The following CD36 variants were observed in gnomAD, a reference collection of about 807,000 sequenced individuals.
The protein encoded by CD36 is platelet glycoprotein 4.
Under a neutral mutation model 55.2 loss-of-function variants are expected in CD36, and 119 were observed. The ratio of observed to expected loss-of-function variants is 2.15; its 90% CI spans 1.86 to 2.51. The LOEUF (loss-of-function observed/expected upper bound fraction) is 2.51, where lower values mean the gene tolerates loss of function less well. Ranked by LOEUF, CD36 falls within the 30% of genes most tolerant of loss-of-function variation. The pLI, the probability that CD36 is intolerant of heterozygous loss-of-function variation, is 0.00. For missense variants in CD36, 819 were observed against 555.5 expected, an observed-to-expected ratio of 1.47 and a Z score of -4.77; for synonymous variants, 186 against 193.6, an observed-to-expected ratio of 0.96 and a Z score of 0.33.
At chr7:80,628,933 T>C (rs1026776191) in intron 1 of CD36, among the ~76,000 whole-genome samples, 5 of 152,036 alleles carry the variant, frequency 3.3e-5, no homozygotes, top group African/African-American at 1.2e-4. Flanking sequence ...TCTGACTAGC[T>C]TCTCCAAAGA....
rs377422261 is a variant in CD36, at chr7:80,643,833, G to A, written c.-183-2255G>A. ...CAAGACAGTGACAAATCAGTCTTTGGTTTAATCTTGTCCCTTCATCTCAAT... is the reference window on the plus strand; with the variant it reads ...CAAGACAGTGACAAATCAGTCTTTGATTTAATCTTGTCCCTTCATCTCAAT... On this transcript the variant is annotated intron_variant, in intron 1 of 14. Transcript: ENST00000447544. 7.7e-4 allele frequency among the ~76,000 whole-genome samples: 117 copies of A among 152,244 alleles called. 3 individuals carry two copies. In the South Asian group the frequency reaches 0.023, roughly 29 times the overall value.
intron 3 of CD36, among the ~76,000 whole-genome samples, chr7:80,650,925 T>G (rs946019686): frequency 1.8e-5 from 1 of 55,818 alleles, no homozygotes; most frequent in African/African-American, 4.2e-5. Flanking sequence ...TATGCAGTCT[T>G]TCAAAAAAAA....
chr7:80,651,584 C>A (rs1293533017), intron 3 of CD36, among the ~76,000 whole-genome samples: 1 of 151,934 alleles, frequency 6.6e-6, no homozygotes, highest in Non-Finnish European at 1.5e-5. Context: ...TGCCTTCAGA[C>A]AAAATAAATT....
At chr7:80,656,044 T>G (rs1356006823) in intron 3 of CD36, among the ~76,000 whole-genome samples, 1 of 152,026 alleles carries the variant, frequency 6.6e-6, no homozygotes, top group African/African-American at 2.4e-5. Context: ...ATGTAGTGAG[T>G]GTTAAGTACC....
intron 1 of CD36, among the ~76,000 whole-genome samples, chr7:80,630,365 T>G (rs1794006697): frequency 6.6e-6 from 1 of 151,984 alleles, no homozygotes; most frequent in Non-Finnish European, 1.5e-5. Context: ...ATGAAGTTGA[T>G]TTGGAGACAG....
rs1483351759 is a variant in CD36, at chr7:80,678,331, A to G, written c.*1948A>G. 1 of 152,190 alleles carries G rather than the reference A, an allele frequency of 6.6e-6. No homozygotes were observed. Among genetic ancestry groups the G allele is most frequent in the African/African-American group, 2.4e-5 (1 of 41,448 alleles). 9.4% of individuals were successfully genotyped at this position (152,190 alleles called of 1,614,324 possible). On this transcript the variant is annotated 3_prime_UTR_variant, in exon 15 of 15. Transcript: ENST00000447544. ...AGCTGGTTATTAACCACAGAATTAT[A>G]GCAGGTATTCATAACTTAAGTTTGA...
At chr7:80,636,251 C>A (rs1297390216), upstream of CD36, among the ~76,000 whole-genome samples, 1 of 151,980 alleles carries the variant, frequency 6.6e-6, no homozygotes, top group Non-Finnish European at 1.5e-5. Flanking sequence ...AGGCTCCTGT[C>A]AAGTATTGTA....
chr7:80,674,067 A>ATCTT lies in CD36; in HGVS notation c.1340_1343dup (p.Leu448PhefsTer107), dbSNP rs201958707. On this transcript the variant is annotated frameshift_variant, in exon 14 of 15. Coordinates refer to ENST00000447544, the MANE Select transcript of CD36 (RefSeq NM_001001548.3). LOFTEE classifies it high-confidence loss of function. ...AAACCTCCTTGGCCTGATAGAAATGATCTTACTCAGTGTTGGTGTGGTGAT... is the reference window on the plus strand; with the variant it reads ...AAACCTCCTTGGCCTGATAGAAATGATCTTTCTTACTCAGTGTTGGTGTGGTGAT... 13 of 1,612,014 alleles carry ATCTT rather than the reference A, an allele frequency of 8.1e-6. No homozygotes were observed. The East Asian group carries it at 2.0e-4, about 25-fold the overall frequency.
chr7:80,671,898 T>C (rs148767843), intron 10 of CD36, 24 bp from the exon 11 acceptor site: 405 of 1,605,528 alleles, frequency 2.5e-4, no homozygotes, highest in Non-Finnish European at 3.3e-4. Flanking sequence ...TTAATTCCAA[T>C]TGACTCTTAA....
At chr7:80,650,412 T>C (rs3211831) in intron 3 of CD36, among the ~76,000 whole-genome samples, 1,869 of 152,274 alleles carry the variant, frequency 0.012, 44 homozygotes, top group African/African-American at 0.042. Flanking sequence ...CGTATGTATA[T>C]CTTTGGCATA....
intron 1 of CD36, among the ~76,000 whole-genome samples, chr7:80,613,969 T>C (rs918887030): frequency 5.9e-5 from 9 of 152,184 alleles, no homozygotes; most frequent in Admixed American, 2.6e-4. Context: ...GAAAAGTTGT[T>C]ACAGATAAAC....
intron 1 of CD36, among the ~76,000 whole-genome samples, chr7:80,609,987 G>C (rs1207509057): frequency 9.2e-5 from 14 of 152,130 alleles, no homozygotes; most frequent in Admixed American, 9.2e-4. Flanking sequence ...TGCGCTGTGA[G>C]GGGTGAGCCA....
intron 4 of CD36, among the ~76,000 whole-genome samples, chr7:80,658,067 T>C (rs1796229771): frequency 6.6e-6 from 1 of 152,222 alleles, no homozygotes; most frequent in Non-Finnish European, 1.5e-5. Context: ...CCTTGGTGCA[T>C]GTCCTGTCTT....
chr7:80,657,869 A>AT, intron 4 of CD36, among the ~76,000 whole-genome samples: 1 of 152,312 alleles, frequency 6.6e-6, no homozygotes, highest in South Asian at 2.1e-4. Context: ...ATTTCTAATG[A>AT]TTTTTTATAA....
rs576497065 is a variant in CD36 at position 80,662,484 on chromosome 7, G to A, written c.430-506G>A. On this transcript the variant is annotated intron_variant, in intron 5 of 14. Coordinates refer to ENST00000447544, the MANE Select transcript of CD36 (RefSeq NM_001001548.3). ...GGTCACTGGCAGAGAGCCTCGTGCC[G>A]TTAGACGTGGAACCTGCCGTTGTGA... The A allele has an allele frequency of 7.6e-5, 20 of 264,372 alleles. No individual in the cohort carries two copies. The South Asian group carries it at 9.5e-4, about 13-fold the overall frequency. The allele number at this position is 264,372 out of a possible 1,614,324, so 16.4% of individuals were successfully genotyped here. A position where few individuals can be genotyped will look rare whatever the true frequency, so the allele number is the denominator to read the frequency against.
Position 80,661,103 on chromosome 7 carries a change from G to A in CD36, c.322G>A (p.Glu108Lys), listed in dbSNP as rs2116655129. Residue 108 changes from glutamate (E) to lysine (K), a missense_variant, in exon 5 of 15, where the codon GAG (glutamate) becomes AAG (lysine). Glu to Lys is a moderately conservative substitution (Grantham distance 56, BLOSUM62 1). Coordinates refer to ENST00000447544, the MANE Select transcript of CD36 (RefSeq NM_001001548.3). The stretch of plus-strand genomic sequence containing the variant: ...CAAGGAAAATGTAACCCAGGACGCT[G>A]AGGACAACACAGTCTCTTTCCTGCA... ...LAKENVTQDAEDNTVSFLQPN... is the reference protein window; with the variant it reads ...LAKENVTQDAKDNTVSFLQPN... 6.2e-7 allele frequency: 1 copy of A among 1,613,958 alleles called. No individual in the cohort carries two copies. Among genetic ancestry groups the A allele is most frequent in the Non-Finnish European group, 8.5e-7 (1 of 1,179,838 alleles).
intron 1 of CD36, among the ~76,000 whole-genome samples, chr7:80,613,227 A>G (rs1266411781): frequency 2.0e-5 from 3 of 152,134 alleles, no homozygotes; most frequent in Non-Finnish European, 4.4e-5. Flanking sequence ...TGCTTTTTAA[A>G]CATGAGCTGC....
At chr7:80,617,931 A>G (rs1308991313) in intron 1 of CD36, among the ~76,000 whole-genome samples, 1 of 152,152 alleles carries the variant, frequency 6.6e-6, no homozygotes, top group African/African-American at 2.4e-5. Flanking sequence ...ATTCATTGGA[A>G]AAATTACTTA....
At chr7:80,643,390 T>C (rs867992894) in intron 1 of CD36, among the ~76,000 whole-genome samples, 31 of 152,348 alleles carry the variant, frequency 2.0e-4, no homozygotes, top group Middle Eastern at 6.8e-3. Context: ...TAGTGAAGTT[T>C]ATGTGGAACA....
Sources: allele counts gnomAD v4.1 joint callset (sites outside exome capture counted in the v4.1 genomes callset), GRCh38; gene constraint gnomAD v4.1.1; transcripts MANE v1.5; gene names NCBI Gene and HGNC (gene_info 2026-07-23, HGNC 2026-07-21).